Variants in PLAAT2 observed in about 807,000 individuals in gnomAD.
The protein encoded by PLAAT2 is phospholipase A and acyltransferase 2.
In PLAAT2, 12 loss-of-function variants were observed where a neutral mutation model predicts 12.8. That is an observed-to-expected ratio of 0.94 (90% CI 0.60 to 1.52). The LOEUF is 1.52. Among genes scored for constraint, PLAAT2 ranks in the 40% most tolerant of loss-of-function variants. The probability of loss-of-function intolerance (pLI) is 0.00; values close to 1 mark genes in which losing one functional copy is unlikely to be tolerated. For missense variants in PLAAT2, 166 were observed against 208.1 expected (o/e 0.80, Z 1.24); for synonymous variants, 79 against 86.8 (o/e 0.91, Z 0.50).
intron 3 of PLAAT2, among the ~76,000 whole-genome samples, chr11:63,554,146 C>T (rs1039542149): frequency 1.1e-4 from 13 of 121,958 alleles, no homozygotes; most frequent in Non-Finnish European, 2.1e-4. Flanking sequence ...AGCACTGGAG[C>T]GACTGGGGGA....
intron 2 of PLAAT2, among the ~76,000 whole-genome samples, chr11:63,559,052 C>T (rs1323617108): frequency 6.6e-6 from 1 of 152,230 alleles, no homozygotes; most frequent in Non-Finnish European, 1.5e-5. Flanking sequence ...GTAATCTCAG[C>T]ACTTTGGAAG....
At chr11:63,561,819 A>G (rs2017522069) in intron 1 of PLAAT2, among the ~76,000 whole-genome samples, 1 of 152,066 alleles carries the variant, frequency 6.6e-6, no homozygotes, top group African/African-American at 2.4e-5. Flanking sequence ...GCCTTTGACT[A>G]GAGGGGTCAA....
intron 2 of PLAAT2, among the ~76,000 whole-genome samples, chr11:63,559,276 C>G (rs1468883009): frequency 6.6e-6 from 1 of 152,216 alleles, no homozygotes; most frequent in Admixed American, 6.5e-5. Context: ...ATGCTCCAGC[C>G]TGGGCAGCAG....
chr11:63,559,603 A>G (rs2017499558), intron 2 of PLAAT2, among the ~76,000 whole-genome samples: 1 of 115,424 alleles, frequency 8.7e-6, no homozygotes. Context: ...AGGGGACCCC[A>G]GACTCCTGGG....
chr11:63,558,239 A>T lies in PLAAT2; in HGVS notation c.387+153T>A, dbSNP rs144520539. On this transcript the variant is annotated intron_variant, in intron 3 of 3. Coordinates refer to ENST00000255695, the MANE Select transcript of PLAAT2 (RefSeq NM_017878.2). ...TCTCCCCACCCTTGTCCCCACCCCA[A>T]ATGTGACACCCTCAAGGACAACAGT... 4.8e-3 allele frequency among the ~76,000 whole-genome samples: 725 copies of T among 152,098 alleles called. 4 individuals are homozygous for T. Among genetic ancestry groups the T allele is most frequent in the African/African-American group, 0.017 (688 of 41,464 alleles).
chr11:63,563,262 A>C (rs2017534222), intron 1 of PLAAT2, 54 bp downstream of exon 1: 1 of 1,607,164 alleles, frequency 6.2e-7, no homozygotes, highest in Non-Finnish European at 8.5e-7. Flanking sequence ...AATCATCACT[A>C]ATAGGGTGGT....
At chr11:63,559,362 C>T (rs2017497369) in intron 2 of PLAAT2, among the ~76,000 whole-genome samples, 1 of 152,026 alleles carries the variant, frequency 6.6e-6, no homozygotes, top group Non-Finnish European at 1.5e-5. Flanking sequence ...GTGGGAGCTC[C>T]AGTAGGTGAG....
intron 1 of PLAAT2, 130 bp downstream of exon 1, chr11:63,563,186 C>T (rs1381680874): frequency 4.2e-5 from 44 of 1,045,700 alleles, no homozygotes; most frequent in Non-Finnish European, 6.1e-5. Context: ...AGAGCCAGAC[C>T]CCCAGAACTC....
upstream of PLAAT2, among the ~76,000 whole-genome samples, chr11:63,564,164 G>T (rs897562093): frequency 6.6e-6 from 1 of 152,128 alleles, no homozygotes; most frequent in Non-Finnish European, 1.5e-5. Flanking sequence ...AGCCTGCTTG[G>T]ACAGCAGTAT....
intron 3 of PLAAT2, among the ~76,000 whole-genome samples, chr11:63,556,455 T>C (rs1431353652): frequency 6.6e-6 from 1 of 152,094 alleles, no homozygotes; most frequent in Non-Finnish European, 1.5e-5. Context: ...TTTAGATGTA[T>C]GATAAGGCAG....
At chr11:63,556,569 C>T (rs1245965623) in intron 3 of PLAAT2, among the ~76,000 whole-genome samples, 3 of 152,154 alleles carry the variant, frequency 2.0e-5, no homozygotes, top group African/African-American at 7.2e-5. Context: ...CACTGAGTAC[C>T]AGAGCATGTC....
In PLAAT2 at chr11:63,560,212, A is replaced by C; in HGVS notation, c.10-19T>G. 1 of 1,596,572 alleles carries C rather than the reference A, an allele frequency of 6.3e-7. No homozygotes were observed. Among genetic ancestry groups the C allele is most frequent in the Non-Finnish European group, 8.6e-7 (1 of 1,165,130 alleles). On this transcript the variant is annotated intron_variant, in intron 1 of 3. Coordinates refer to ENST00000255695, the MANE Select transcript of PLAAT2 (RefSeq NM_017878.2). ...GTCTGGCCTGCAACAGAAAAACCAG[A>C]AACAGGCAGAGGTGAGCCATCTGCA...
In PLAAT2 at chr11:63,552,904, C is replaced by T; in HGVS notation, c.*60G>A. The T allele has an allele frequency of 8.6e-7, 1 of 1,167,548 alleles. No individual in the cohort carries two copies. The highest frequency in any genetic ancestry group is 1.2e-5 in the South Asian group (1 of 80,556). 72.3% of individuals were successfully genotyped at this position (1,167,548 alleles called of 1,614,324 possible). On this transcript the variant is annotated 3_prime_UTR_variant, in exon 4 of 4. Coordinates refer to ENST00000255695, the MANE Select transcript of PLAAT2 (RefSeq NM_017878.2). ...AAAATCAGTAAACCAAACTCCACTC[C>T]TGCTGGCTAAATAATATTCCTCCGT...
chr11:63,561,185 T>C (rs1019478500), intron 1 of PLAAT2, among the ~76,000 whole-genome samples: 2 of 152,186 alleles, frequency 1.3e-5, no homozygotes, highest in Admixed American at 6.5e-5. Context: ...TTGGATGGAA[T>C]TGGAGATCAT....
At chr11:63,561,702 G>C (rs951822621) in intron 1 of PLAAT2, among the ~76,000 whole-genome samples, 2 of 141,112 alleles carry the variant, frequency 1.4e-5, no homozygotes, top group African/African-American at 2.6e-5. Flanking sequence ...GTACACTGCT[G>C]AGATGATAGG....
In PLAAT2 at chr11:63,558,569, C is replaced by T. The variant is rs754148379; in HGVS notation, c.210G>A (p.Gly70=). Residue 70 remains glycine, a synonymous_variant, in exon 3 of 4, where the codon GGG becomes GGA. Coordinates refer to ENST00000255695, the MANE Select transcript of PLAAT2 (RefSeq NM_017878.2). ...VKKELLSVVA[G]GDNYRVNNKH... is the part of the protein sequence containing the mutation. ...TGTTATTGACCCTGTAGTTGTCTCC[C>T]CCAGCCACCACAGACAGCAGTTCCT... is the stretch of plus-strand genomic sequence containing the variant. The T allele has an allele frequency of 1.9e-6, 3 of 1,614,118 alleles. No homozygotes were observed. Among genetic ancestry groups the T allele is most frequent in the African/African-American group, 2.7e-5 (2 of 74,944 alleles).
intron 3 of PLAAT2, among the ~76,000 whole-genome samples, chr11:63,557,256 G>C (rs1225984460): frequency 1.3e-5 from 2 of 152,170 alleles, no homozygotes; most frequent in Non-Finnish European, 2.9e-5. Flanking sequence ...CTTGGACTGA[G>C]TGTGGTGGCT....
rs113712292 is a variant in PLAAT2 at position 63,563,128 on chromosome 11, C to T, written c.9+188G>A. The stretch of plus-strand genomic sequence containing the variant: ...CATGCGGCAGCTGAGGCTGGGGAGC[C>T]TCCAGGGTCATAACCCAGCACCGTG... On this transcript the variant is annotated intron_variant, in intron 1 of 3. Coordinates refer to ENST00000255695, the MANE Select transcript of PLAAT2 (RefSeq NM_017878.2). 2.6e-3 allele frequency among the ~76,000 whole-genome samples: 393 copies of T among 152,308 alleles called. 5 individuals are homozygous for T. Among genetic ancestry groups the T allele is most frequent in the African/African-American group, 9.1e-3 (377 of 41,570 alleles).
In PLAAT2 at chr11:63,559,630, T is replaced by C. The variant is rs939070237; in HGVS notation, c.118+455A>G. Reference sequence around the variant, plus strand: ...ACTCCTGGGAAGCTGAACTTAGTGATGTGAAGCCGCATGCTCAAGGCACAC... The same window carrying C: ...ACTCCTGGGAAGCTGAACTTAGTGACGTGAAGCCGCATGCTCAAGGCACAC... On this transcript the variant is annotated intron_variant, in intron 2 of 3. Transcript: ENST00000255695. Among the ~76,000 whole-genome samples, 29 of 115,996 alleles carry C rather than the reference T, an allele frequency of 2.5e-4. 1 individual carries two copies. The highest frequency in any genetic ancestry group is 4.0e-4 in the Admixed American group (4 of 9,922). The allele number at this position is 115,996 out of a possible 152,430, so 76.1% of individuals were successfully genotyped here.
Sources: allele counts gnomAD v4.1 joint callset (sites outside exome capture counted in the v4.1 genomes callset), GRCh38; gene constraint gnomAD v4.1.1; transcripts MANE v1.5; gene names NCBI Gene and HGNC (gene_info 2026-07-23, HGNC 2026-07-21).